SORCS1: variants seen among roughly 807,000 people sequenced by gnomAD.
SORCS1 encodes sortilin related VPS10 domain containing receptor 1, also known as VPS10 domain-containing receptor SorCS1.
Under a neutral mutation model 146.1 loss-of-function variants are expected in SORCS1, and 60 were observed. The observed-to-expected ratio is 0.41, with a 90% CI of 0.33 to 0.51. The LOEUF is 0.51. Ranked by LOEUF, SORCS1 falls within the 20% of genes least tolerant of loss-of-function variation. The pLI, the probability that SORCS1 is intolerant of heterozygous loss-of-function variation, is 0.21. For missense variants in SORCS1, 1,352 were observed against 1,487.6 expected (o/e 0.91, Z 1.50); for synonymous variants, 637 against 584.0 (o/e 1.09, Z -1.31).
intron 1 of SORCS1, among the ~76,000 whole-genome samples, chr10:107,152,928 T>G (rs1401356200): frequency 5.3e-5 from 8 of 152,206 alleles, no homozygotes; most frequent in African/African-American, 1.9e-4. Flanking sequence ...TGACTTTCTT[T>G]GCCTGTGGTC....
rs143675734 is a variant in SORCS1 at position 106,984,181 on chromosome 10, T to G, written c.559-27601A>C. 5.5e-3 allele frequency among the ~76,000 whole-genome samples: 836 copies of G among 152,250 alleles called. 5 individuals carry two copies. Among genetic ancestry groups the G allele is most frequent in the Middle Eastern group, 0.034 (10 of 294 alleles). On this transcript the variant is annotated intron_variant, in intron 1 of 25. Transcript: ENST00000263054. ...AGACAAGGACGTCCTACTGAAGTAT[T>G]ATCTCAATAATCAGAAAGTCGGATT...
intron 2 of SORCS1, among the ~76,000 whole-genome samples, chr10:106,952,195 A>T (rs1341550547): frequency 6.6e-6 from 1 of 152,148 alleles, no homozygotes; most frequent in Non-Finnish European, 1.5e-5. Flanking sequence ...CCTCAGCTCT[A>T]GCACCCGGTT....
intron 1 of SORCS1, among the ~76,000 whole-genome samples, chr10:107,030,152 C>T (rs1049675701): frequency 6.6e-6 from 1 of 151,970 alleles, no homozygotes; most frequent in African/African-American, 2.4e-5. Flanking sequence ...TTAAGAACAT[C>T]TCTTTTGTTG....
intron 6 of SORCS1, among the ~76,000 whole-genome samples, chr10:106,709,845 A>G (rs1024043944): frequency 9.2e-5 from 14 of 152,088 alleles, no homozygotes; most frequent in African/African-American, 3.1e-4. Flanking sequence ...TATTTTACTC[A>G]CTTGCTCTCA....
intron 5 of SORCS1, among the ~76,000 whole-genome samples, chr10:106,759,356 T>TA (rs1564938312): frequency 1.3e-5 from 2 of 152,174 alleles, no homozygotes; most frequent in Non-Finnish European, 2.9e-5. Context: ...AAAGGATATT[T>TA]AAACTCTTGT....
chr10:106,697,380 C>A (rs1368002730), intron 9 of SORCS1, among the ~76,000 whole-genome samples: 2 of 151,594 alleles, frequency 1.3e-5, no homozygotes, highest in African/African-American at 4.8e-5. Context: ...AGCTTCAACC[C>A]AGGAGGCGGA....
At chr10:106,640,329 T>A (rs1848993844) in intron 18 of SORCS1, among the ~76,000 whole-genome samples, 1 of 152,192 alleles carries the variant, frequency 6.6e-6, no homozygotes, top group South Asian at 2.1e-4. Flanking sequence ...GAGGACACAG[T>A]CCTCATGTTT....
intron 1 of SORCS1, among the ~76,000 whole-genome samples, chr10:107,122,691 C>A (rs568556102): frequency 6.6e-6 from 1 of 151,894 alleles, no homozygotes; most frequent in Non-Finnish European, 1.5e-5. Flanking sequence ...CATCTCCTTA[C>A]GGACTAAAAG....
intron 1 of SORCS1, among the ~76,000 whole-genome samples, chr10:106,989,551 T>TC (rs1230307526): frequency 6.6e-6 from 1 of 151,838 alleles, no homozygotes; most frequent in African/African-American, 2.4e-5. Context: ...CCTCATCCTC[T>TC]CCCCCTTCTT....
chr10:106,934,025 C>T (rs1953550543), intron 2 of SORCS1, among the ~76,000 whole-genome samples: 1 of 144,500 alleles, frequency 6.9e-6, no homozygotes, highest in African/African-American at 2.6e-5. Flanking sequence ...ACCCAGGAGG[C>T]GGAGGTTGCA....
At chr10:107,108,851 A>G (rs993256172) in intron 1 of SORCS1, among the ~76,000 whole-genome samples, 5 of 152,244 alleles carry the variant, frequency 3.3e-5, no homozygotes, top group Non-Finnish European at 7.3e-5. Flanking sequence ...CAATGAGTGT[A>G]TAGGCATTGG....
chr10:107,129,739 T>G (rs752464311), intron 1 of SORCS1, among the ~76,000 whole-genome samples: 1 of 152,240 alleles, frequency 6.6e-6, no homozygotes. Flanking sequence ...CTAATTCTCC[T>G]TTCTCAGTGC....
chr10:107,054,514 T>C (rs762651556), intron 1 of SORCS1, among the ~76,000 whole-genome samples: 30 of 152,182 alleles, frequency 2.0e-4, no homozygotes, highest in African/African-American at 6.7e-4. Context: ...ACACGTTTGG[T>C]GGACAGAAAG....
intron 21 of SORCS1, among the ~76,000 whole-genome samples, chr10:106,613,848 T>C (rs1847174822): frequency 6.6e-6 from 1 of 152,100 alleles, no homozygotes; most frequent in Non-Finnish European, 1.5e-5. Context: ...TGTACTTCCC[T>C]GTGCTCCTCA....
At chr10:107,090,097 C>T (rs540265326) in intron 1 of SORCS1, among the ~76,000 whole-genome samples, 8 of 152,282 alleles carry the variant, frequency 5.3e-5, no homozygotes, top group South Asian at 4.2e-4. Flanking sequence ...ATGGCTTCCA[C>T]GCAGAGGGGT....
At chr10:106,994,086 A>AAAAAAAAAAAAAAAAG (rs1554908001) in intron 1 of SORCS1, among the ~76,000 whole-genome samples, 10 of 135,002 alleles carry the variant, frequency 7.4e-5, no homozygotes, top group African/African-American at 3.2e-4. Context: ...AAAAAAAAAA[A>AAAAAAAAAAAAAAAAG]AGAAAATGAG....
At chr10:106,782,578 G>T (rs1422866918) in intron 3 of SORCS1, among the ~76,000 whole-genome samples, 1 of 152,200 alleles carries the variant, frequency 6.6e-6, no homozygotes, top group Non-Finnish European at 1.5e-5. Flanking sequence ...TAGAAGATGA[G>T]TAAGGTTTAT....
chr10:106,728,230 C>A (rs1336300379), intron 6 of SORCS1, among the ~76,000 whole-genome samples: 2 of 152,094 alleles, frequency 1.3e-5, no homozygotes, highest in Admixed American at 1.3e-4. Context: ...TGGGGTCTCA[C>A]CATGTTGGCC....
chr10:106,758,226 G>A (rs776124905), intron 5 of SORCS1, among the ~76,000 whole-genome samples: 3 of 152,134 alleles, frequency 2.0e-5, no homozygotes, highest in Non-Finnish European at 4.4e-5. Flanking sequence ...AATTAGCACT[G>A]GCGGAAGCAG....
Sources: gnomAD v4.1 joint callset for allele counts (sites outside exome capture counted in the v4.1 genomes callset) on GRCh38, gnomAD v4.1.1 for gene constraint, MANE v1.5 for transcripts, NCBI Gene and HGNC (gene_info 2026-07-23, HGNC 2026-07-21) for gene names.